DERA: variants seen among roughly 807,000 people sequenced by gnomAD.
DERA encodes the protein 2-deoxy-D-ribose 5-phosphate aldolase.
DERA carries 15 observed loss-of-function variants against 41.1 expected under a neutral mutation model. That is an observed-to-expected ratio of 0.37 (90% CI 0.24 to 0.56). The LOEUF is 0.56. Ranked by LOEUF, DERA falls within the 20% of genes least tolerant of loss-of-function variation. The pLI is 0.81. For missense variants in DERA, 396 were observed against 403.4 expected, an observed-to-expected ratio of 0.98 and a Z score of 0.16; for synonymous variants, 139 against 137.4, an observed-to-expected ratio of 1.01 and a Z score of -0.08.
At chr12:15,953,000 G>A (rs936425230) in intron 1 of DERA, among the ~76,000 whole-genome samples, 3 of 152,202 alleles carry the variant, frequency 2.0e-5, no homozygotes, top group Admixed American at 1.3e-4. Flanking sequence ...TCTAAGTTGT[G>A]GGTGCCTTGT....
At position 16,029,249 on chromosome 12, in the gene DERA, G is replaced by C. The variant is rs370796260; in HGVS notation, c.638-3293G>C. On this transcript the variant is annotated intron_variant, in intron 6 of 8. Coordinates refer to ENST00000428559, the MANE Select transcript of DERA (RefSeq NM_015954.4). The stretch of plus-strand genomic sequence containing the variant: ...GGAGATAGAGACCACGGTGAAACCC[G>C]GTCTCTACTAAAAAATACAAAAAGT... Among the ~76,000 whole-genome samples, 1,303 of 152,048 alleles carry C rather than the reference G, an allele frequency of 8.6e-3. 11 individuals are homozygous for C. The highest frequency in any genetic ancestry group is 0.029 in the African/African-American group (1,193 of 41,494).
chr12:15,949,487 A>T (rs956233844), intron 1 of DERA, among the ~76,000 whole-genome samples: 3 of 147,644 alleles, frequency 2.0e-5, no homozygotes, highest in African/African-American at 7.4e-5. Flanking sequence ...TGGGCGTGGG[A>T]CCCTCTGAGC....
intron 1 of DERA, chr12:15,916,314 A>T (rs1426247031): frequency 3.9e-5 from 6 of 152,230 alleles, no homozygotes; most frequent in African/African-American, 1.4e-4. Context: ...GAGTGACCTC[A>T]AGGTGAATAG....
At chr12:15,978,324 A>G (rs909745475) in intron 5 of DERA, among the ~76,000 whole-genome samples, 1 of 152,140 alleles carries the variant, frequency 6.6e-6, no homozygotes, top group Non-Finnish European at 1.5e-5. Flanking sequence ...GGCAAATTCT[A>G]GTTGTGCTTT....
At chr12:15,958,411 T>C in intron 3 of DERA, 76 bp downstream of exon 3, 1 of 1,193,172 alleles carries the variant, frequency 8.4e-7, no homozygotes, top group Non-Finnish European at 1.1e-6. Context: ...CGACTTAAGA[T>C]ACAGCTGCTA....
At chr12:16,028,276 G>T (rs1327256267) in intron 6 of DERA, among the ~76,000 whole-genome samples, 1 of 152,130 alleles carries the variant, frequency 6.6e-6, no homozygotes, top group Non-Finnish European at 1.5e-5. Context: ...ATGATGCAAA[G>T]GCATACAGGA....
In DERA at chr12:16,036,371, T is replaced by TTGAGAGG; in HGVS notation, c.891_897dup (p.Gln300Ter). 6.3e-7 allele frequency: 1 copy of TTGAGAGG among 1,598,822 alleles called. No individual in the cohort carries two copies. Among genetic ancestry groups the TTGAGAGG allele is most frequent in the South Asian group, 1.1e-5 (1 of 88,062 alleles). On this transcript the variant is annotated frameshift_variant, in exon 8 of 9. Coordinates refer to ENST00000428559, the MANE Select transcript of DERA (RefSeq NM_015954.4). LOFTEE classifies it high-confidence loss of function. This position sits in a 1 kb window ranked among gnomAD's most constrained non-coding sequence, Gnocchi z 4.9. ...GGTGCCAGTACTCTGCTCTCGGACATTGAGAGGCAGGTGAGTAATCATCTC... is the reference window on the plus strand; with the variant it reads ...GGTGCCAGTACTCTGCTCTCGGACATTGAGAGGTGAGAGGCAGGTGAGTAATCATCTC...
chr12:15,955,453 TCGGCCTGACCC>T (rs1378010531), intron 1 of DERA, among the ~76,000 whole-genome samples: 7 of 152,126 alleles, frequency 4.6e-5, no homozygotes, highest in South Asian at 4.1e-4. Flanking sequence ...GCAGATTTCA[TCGGCCTGACCC>T]CAGACTCCCA....
chr12:16,036,450 A>G lies in DERA; in HGVS notation c.900+69A>G. ...TTTGAGAAAGGAATTGAAAAGTCAA[A>G]TTGAGAACTGGAGATAAAAACTCAT... On this transcript the variant is annotated intron_variant, in intron 8 of 8. Coordinates refer to ENST00000428559, the MANE Select transcript of DERA (RefSeq NM_015954.4). The surrounding 1 kb of genome is among the most constrained non-coding windows in gnomAD (Gnocchi z 4.9). 3 of 1,503,220 alleles carry G rather than the reference A, an allele frequency of 2.0e-6. No individual in the cohort carries two copies. The highest frequency in any genetic ancestry group is 2.6e-5 in the South Asian group (2 of 76,520). The allele number at this position is 1,503,220 out of a possible 1,614,324, so 93.1% of individuals were successfully genotyped here.
chr12:15,978,928 C>T (rs1025932007), intron 5 of DERA, among the ~76,000 whole-genome samples: 9 of 152,158 alleles, frequency 5.9e-5, no homozygotes, highest in Non-Finnish European at 1.2e-4. Flanking sequence ...AAAATAACTC[C>T]GTGAGGTGTG....
chr12:15,938,333 G>A lies in DERA; in HGVS notation c.32-18603G>A, dbSNP rs1948386209. 6.6e-6 allele frequency among the ~76,000 whole-genome samples: 1 copy of A among 151,996 alleles called. No individual in the cohort carries two copies. Among genetic ancestry groups the A allele is most frequent in the Admixed American group, 6.6e-5 (1 of 15,266 alleles). On this transcript the variant is annotated intron_variant, in intron 1 of 8. Transcript: ENST00000428559. The surrounding 1 kb of genome is among the most constrained non-coding windows in gnomAD (Gnocchi z 4.1). The stretch of plus-strand genomic sequence containing the variant: ...ATGATACATTGCCTTTATTTTATTG[G>A]TAGATCTTCTGTTCAAGAGAAAATA...
rs1948266360 is a variant in DERA at position 15,924,298 on chromosome 12, T to C, written c.31+12884T>C. ...TTAGCTGGGTGTGGTGGTATGCCGC[T>C]ATGGTCACAGCTACCTTGGAAACTG... On this transcript the variant is annotated intron_variant, in intron 1 of 8. Transcript: ENST00000428559. The surrounding 1 kb of genome is among the most constrained non-coding windows in gnomAD (Gnocchi z 5.0). Among the ~76,000 whole-genome samples the C allele has an allele frequency of 6.6e-6, 1 of 152,282 alleles. No homozygotes were observed. The highest frequency in any genetic ancestry group is 2.4e-5 in the African/African-American group (1 of 41,564).
intron 6 of DERA, among the ~76,000 whole-genome samples, chr12:16,018,157 AT>A (rs1270734357): frequency 6.6e-6 from 1 of 152,122 alleles, no homozygotes; most frequent in African/African-American, 2.4e-5. Context: ...TTAAGATATT[AT>A]TTTTTTAAAT....
chr12:16,004,661 TACGATGACA>T lies in DERA; in HGVS notation c.637+22228_637+22236del, dbSNP rs1948898201. ...TGGGTGTTTATGCATGTATCCTTTG[TACGATGACA>T]ACAATGACAACAAATGACTTAGTGG... On this transcript the variant is annotated intron_variant, in intron 6 of 8. Coordinates refer to ENST00000428559, the MANE Select transcript of DERA (RefSeq NM_015954.4). The surrounding 1 kb of genome is among the most constrained non-coding windows in gnomAD (Gnocchi z 4.2). Among the ~76,000 whole-genome samples the T allele has an allele frequency of 6.6e-6, 1 of 152,198 alleles. No individual in the cohort carries two copies. The highest frequency in any genetic ancestry group is 6.5e-5 in the Admixed American group (1 of 15,284).
At chr12:16,022,693 CA>C (rs1304312521) in intron 6 of DERA, among the ~76,000 whole-genome samples, 10 of 152,324 alleles carry the variant, frequency 6.6e-5, no homozygotes, top group Non-Finnish European at 1.2e-4. Flanking sequence ...GGTAAACTGT[CA>C]GCTTGAAATC....
chr12:15,944,874 A>T (rs1948435470), intron 1 of DERA, among the ~76,000 whole-genome samples: 1 of 152,194 alleles, frequency 6.6e-6, no homozygotes, highest in African/African-American at 2.4e-5. Context: ...TCTAACATTT[A>T]AGTCTTTAAT....
At position 15,967,233 on chromosome 12, in the gene DERA, C is replaced by T. The variant is rs1329969251; in HGVS notation, c.508+4286C>T. Among the ~76,000 whole-genome samples, 12 of 151,660 alleles carry T rather than the reference C, an allele frequency of 7.9e-5. No homozygotes were observed. On this transcript the variant is annotated intron_variant, in intron 5 of 8. Coordinates refer to ENST00000428559, the MANE Select transcript of DERA (RefSeq NM_015954.4). The surrounding 1 kb of genome is among the most constrained non-coding windows in gnomAD (Gnocchi z 4.9). Reference sequence around the variant, plus strand: ...AATTAGCCTGGTGTTGTGGTATGCGCCTGTAGTCCCAGCTACTCAAGGTTG... The same window carrying T: ...AATTAGCCTGGTGTTGTGGTATGCGTCTGTAGTCCCAGCTACTCAAGGTTG...
At chr12:15,926,959 T>C (rs543893282) in intron 1 of DERA, among the ~76,000 whole-genome samples, 3 of 152,302 alleles carry the variant, frequency 2.0e-5, no homozygotes, top group African/African-American at 7.2e-5. Flanking sequence ...ATAGTTGTTC[T>C]TGAGTGTTTT....
At position 16,001,257 on chromosome 12, in the gene DERA, T is replaced by A. The variant is rs535640932; in HGVS notation, c.637+18821T>A. 6.6e-6 allele frequency among the ~76,000 whole-genome samples: 1 copy of A among 152,174 alleles called. No homozygotes were observed. Among genetic ancestry groups the A allele is most frequent in the African/African-American group, 2.4e-5 (1 of 41,428 alleles). ...CATTCTGCACATGTTTATCCTATTT[T>A]TTTGTTTGTTTGTTTGTTTTTAGAA... On this transcript the variant is annotated intron_variant, in intron 6 of 8. Coordinates refer to ENST00000428559, the MANE Select transcript of DERA (RefSeq NM_015954.4). This position sits in a 1 kb window ranked among gnomAD's most constrained non-coding sequence, Gnocchi z 4.1.
Sources: gnomAD v4.1 joint callset for allele counts (sites outside exome capture counted in the v4.1 genomes callset) on GRCh38, gnomAD v4.1.1 for gene constraint, Gnocchi (gnomAD v3.1) non-coding constraint, MANE v1.5 for transcripts, NCBI Gene and HGNC (gene_info 2026-07-23, HGNC 2026-07-21) for gene names.